Variants in TBC1D5 observed in about 807,000 individuals in gnomAD.
The protein encoded by TBC1D5 is TBC1 domain family member 5, also known as TBC1 domain family, member 5.
TBC1D5 carries 75 observed loss-of-function variants against 100.3 expected under a neutral mutation model. The observed-to-expected ratio is 0.75, with a 90% confidence interval of 0.62 to 0.91. The LOEUF (loss-of-function observed/expected upper bound fraction) is 0.91. Ranked by LOEUF, TBC1D5 falls within the 40% of genes least tolerant of loss-of-function variation. The pLI is 0.00. For synonymous variants in TBC1D5, 323 were observed against 325.6 expected, an observed-to-expected ratio of 0.99 and a Z score of 0.09; for missense variants, 910 against 942.4, an observed-to-expected ratio of 0.97 and a Z score of 0.45.
chr3:17,179,395 T>G (rs189879355), intron 19 of TBC1D5, among the ~76,000 whole-genome samples: 48 of 152,354 alleles, frequency 3.2e-4, no homozygotes, highest in Non-Finnish European at 2.9e-4. Context: ...AAAGTTCTTA[T>G]GGAGGCAAAT....
At chr3:17,523,542 T>G (rs117615725) in intron 2 of TBC1D5, among the ~76,000 whole-genome samples, 2 of 151,990 alleles carry the variant, frequency 1.3e-5, no homozygotes, top group Non-Finnish European at 2.9e-5. Flanking sequence ...ACAGAGAAAG[T>G]TGACCAGAGG....
At chr3:17,467,170 T>C (rs181511970) in intron 3 of TBC1D5, among the ~76,000 whole-genome samples, 53 of 152,220 alleles carry the variant, frequency 3.5e-4, no homozygotes, top group Middle Eastern at 3.4e-3. Flanking sequence ...ACATGTTCTG[T>C]TGCTACCATT....
intron 3 of TBC1D5, among the ~76,000 whole-genome samples, chr3:17,433,229 G>A (rs2094475624): frequency 6.6e-6 from 1 of 152,206 alleles, no homozygotes; most frequent in Non-Finnish European, 1.5e-5. Context: ...TTTAGAAGAA[G>A]CAGCGGACAT....
intron 13 of TBC1D5, among the ~76,000 whole-genome samples, chr3:17,351,375 T>C (rs1318221034): frequency 6.6e-6 from 1 of 152,098 alleles, no homozygotes; most frequent in Non-Finnish European, 1.5e-5. Flanking sequence ...GTGGCACATA[T>C]ACACCACGGA....
intron 3 of TBC1D5, among the ~76,000 whole-genome samples, chr3:17,433,820 C>T (rs1575908074): frequency 6.6e-6 from 1 of 152,270 alleles, no homozygotes; most frequent in African/African-American, 2.4e-5. Context: ...AGCAAGTTAG[C>T]TACTTCATAG....
intron 14 of TBC1D5, among the ~76,000 whole-genome samples, chr3:17,296,852 C>T (rs534916908): frequency 6.6e-6 from 1 of 152,298 alleles, no homozygotes; most frequent in Admixed American, 6.5e-5. Context: ...TAATATAAGA[C>T]TTTTAATTTC....
At chr3:17,403,061 T>A (rs1207467856) in intron 8 of TBC1D5, 120 bp downstream of exon 8, 7 of 710,404 alleles carry the variant, frequency 9.9e-6, no homozygotes, top group African/African-American at 1.9e-5. Flanking sequence ...AGTTTGTTAT[T>A]AACACAAGTA....
At position 17,544,558 on chromosome 3, in the gene TBC1D5, G is replaced by A. The variant is rs577027338; in HGVS notation, c.-35-35953C>T. On this transcript the variant is annotated intron_variant, in intron 2 of 21. Transcript: ENST00000253692. ...CCCAGCTACTCAGGAGACTGAGACA[G>A]GAGAATCTCTTGAACCCGCGAGGCG... Among the ~76,000 whole-genome samples the A allele has an allele frequency of 2.0e-5, 3 of 151,530 alleles. No individual in the cohort carries two copies. The South Asian group carries it at 6.2e-4, about 32-fold the overall frequency.
intron 3 of TBC1D5, among the ~76,000 whole-genome samples, chr3:17,431,212 C>G (rs1425491716): frequency 6.6e-6 from 1 of 151,926 alleles, no homozygotes; most frequent in African/African-American, 2.4e-5. Flanking sequence ...GATCCTTGAA[C>G]TAAGTTGTCA....
chr3:17,222,471 C>G (rs2074394371), intron 17 of TBC1D5, among the ~76,000 whole-genome samples: 2 of 152,080 alleles, frequency 1.3e-5, no homozygotes, highest in Admixed American at 1.3e-4. Context: ...TTACATGTCC[C>G]CAAATGTCCA....
At chr3:17,650,884 T>A (rs1417627560) in intron 1 of TBC1D5, among the ~76,000 whole-genome samples, 4 of 152,206 alleles carry the variant, frequency 2.6e-5, no homozygotes, top group Non-Finnish European at 4.4e-5. Context: ...TACAAGGCAA[T>A]CCCTTTTGAC....
At chr3:17,509,945 A>G (rs887265445) in intron 2 of TBC1D5, among the ~76,000 whole-genome samples, 3 of 152,020 alleles carry the variant, frequency 2.0e-5, no homozygotes, top group Non-Finnish European at 2.9e-5. Flanking sequence ...AACCTACACT[A>G]TTTGTAAATT....
At chr3:17,414,025 G>A (rs1383527123) in intron 4 of TBC1D5, among the ~76,000 whole-genome samples, 4 of 152,284 alleles carry the variant, frequency 2.6e-5, no homozygotes, top group African/African-American at 9.6e-5. Context: ...AAAGAGATAA[G>A]GTAGAAAGTT....
At chr3:17,451,512 G>T (rs1207810353) in intron 3 of TBC1D5, among the ~76,000 whole-genome samples, 1 of 152,192 alleles carries the variant, frequency 6.6e-6, no homozygotes, top group Non-Finnish European at 1.5e-5. Flanking sequence ...ACAGATGCTG[G>T]AGAGGATGTG....
intron 15 of TBC1D5, among the ~76,000 whole-genome samples, chr3:17,279,589 TG>T (rs1236733239): frequency 6.6e-6 from 1 of 152,246 alleles, no homozygotes; most frequent in African/African-American, 2.4e-5. Context: ...GGATTATCTT[TG>T]TATAGTCACT....
intron 3 of TBC1D5, among the ~76,000 whole-genome samples, chr3:17,452,528 G>A (rs929699306): frequency 6.6e-6 from 1 of 152,034 alleles, no homozygotes; most frequent in Non-Finnish European, 1.5e-5. Flanking sequence ...AAGAAAAGTA[G>A]TTATACTTAC....
In TBC1D5 at chr3:17,508,459, G is replaced by T. The variant is rs1265670088; in HGVS notation, c.97+15C>A. On this transcript the variant is annotated intron_variant, in intron 3 of 21. Transcript: ENST00000253692. Reference sequence around the variant, plus strand: ...AGTACACTACCTACAAATAGTATTGGCATACAAAACTCACCTCCAGACTTG... The same window carrying T: ...AGTACACTACCTACAAATAGTATTGTCATACAAAACTCACCTCCAGACTTG... The T allele has an allele frequency of 1.3e-6, 2 of 1,594,236 alleles. No individual in the cohort carries two copies. Among genetic ancestry groups the T allele is most frequent in the East Asian group, 4.5e-5 (2 of 44,684 alleles).
intron 8 of TBC1D5, 23 bp from the exon 9 acceptor site, chr3:17,384,038 T>A (rs1426904586): frequency 1.3e-6 from 2 of 1,572,564 alleles, no homozygotes; most frequent in Non-Finnish European, 1.7e-6. Flanking sequence ...AATACAAGAT[T>A]GAAACTGACT....
chr3:17,338,432 G>C (rs2088286747), intron 13 of TBC1D5: 1 of 152,136 alleles, frequency 6.6e-6, no homozygotes, highest in South Asian at 2.1e-4. Flanking sequence ...TCATCTGTTT[G>C]CCTGAGTACT....
Sources: gnomAD v4.1 joint callset for allele counts (sites outside exome capture counted in the v4.1 genomes callset) on GRCh38, gnomAD v4.1.1 for gene constraint, MANE v1.5 for transcripts, NCBI Gene and HGNC (gene_info 2026-07-23, HGNC 2026-07-21) for gene names.